NME7: variants seen among roughly 807,000 people sequenced by gnomAD.
The protein encoded by NME7 is NME/NM23 family member 7.
NME7 carries 41 observed loss-of-function variants against 49.1 expected under a neutral mutation model. The ratio of observed to expected loss-of-function variants is 0.83; its 90% CI spans 0.65 to 1.08. The LOEUF (loss-of-function observed/expected upper bound fraction) is 1.08, where lower values mean the gene tolerates loss of function less well. Ranked by LOEUF, NME7 falls within the 50% of genes least tolerant of loss-of-function variation. The pLI is 0.00. For missense variants in NME7, 423 were observed against 463.4 expected, an observed-to-expected ratio of 0.91 and a Z score of 0.80; for synonymous variants, 139 against 150.6, an observed-to-expected ratio of 0.92 and a Z score of 0.56.
At chr1:169,364,859 G>A (rs1173834570) in intron 1 of NME7, among the ~76,000 whole-genome samples, 2 of 152,144 alleles carry the variant, frequency 1.3e-5, no homozygotes, top group African/African-American at 4.8e-5. Context: ...GACTATGGGA[G>A]GGACCTAAAA....
Position 169,331,134 on chromosome 1 carries a change from T to A in NME7, c.4-6634A>T, listed in dbSNP as rs558585813. On this transcript the variant is annotated intron_variant, in intron 1 of 11. Transcript: ENST00000367811. Reference sequence around the variant, plus strand: ...ATTCATTATGACCGAGTGGGATATATCCCTGGGATGCAAGGATGGTTCAAC... The same window carrying A: ...ATTCATTATGACCGAGTGGGATATAACCCTGGGATGCAAGGATGGTTCAAC... Among the ~76,000 whole-genome samples, 30 of 152,292 alleles carry A rather than the reference T, an allele frequency of 2.0e-4. 1 individual carries two copies. The highest frequency in any genetic ancestry group is 6.7e-4 in the African/African-American group (28 of 41,570).
intron 11 of NME7, among the ~76,000 whole-genome samples, chr1:169,153,015 CTTGAA>C (rs1412758790): frequency 6.6e-6 from 1 of 151,874 alleles, no homozygotes; most frequent in African/African-American, 2.4e-5. Flanking sequence ...AAAACTGGCA[CTTGAA>C]TTGAAACACT....
At position 169,213,830 on chromosome 1, in the gene NME7, A is replaced by T. The variant is rs568298517; in HGVS notation, c.990+16888T>A. Among the ~76,000 whole-genome samples the T allele has an allele frequency of 1.9e-4, 28 of 149,174 alleles. No homozygotes were observed. The South Asian group carries it at 3.4e-3, about 18-fold the overall frequency. On this transcript the variant is annotated intron_variant, in intron 10 of 11. Coordinates refer to ENST00000367811, the MANE Select transcript of NME7 (RefSeq NM_013330.5). The stretch of plus-strand genomic sequence containing the variant: ...AATATAAAAATAAAATAAATAAATA[A>T]ATATATATATATATACACACAAACA...
chr1:169,318,031 C>A (rs372005073), intron 3 of NME7, among the ~76,000 whole-genome samples: 1 of 152,112 alleles, frequency 6.6e-6, no homozygotes, highest in African/African-American at 2.4e-5. Context: ...GAATCAGAGT[C>A]CGGCACCTGC....
chr1:169,246,803 T>C lies in NME7; in HGVS notation c.755-9116A>G, dbSNP rs577499167. 1.9e-3 allele frequency among the ~76,000 whole-genome samples: 294 copies of C among 152,268 alleles called. 4 individuals are homozygous for C. The highest frequency in any genetic ancestry group is 6.9e-3 in the African/African-American group (285 of 41,548). On this transcript the variant is annotated intron_variant, in intron 7 of 11. Coordinates refer to ENST00000367811, the MANE Select transcript of NME7 (RefSeq NM_013330.5). ...ACTGTTGCCCAGACTGGTATCAAAC[T>C]CCTGGCCTGAAGTGATCTTCCCACC...
chr1:169,238,087 T>A (rs531944147), intron 7 of NME7, among the ~76,000 whole-genome samples: 6 of 151,532 alleles, frequency 4.0e-5, no homozygotes, highest in African/African-American at 1.5e-4. Flanking sequence ...AGGAGAAAAA[T>A]CAAATTGTAA....
At chr1:169,227,202 C>T (rs755556683) in intron 10 of NME7, among the ~76,000 whole-genome samples, 9 of 152,200 alleles carry the variant, frequency 5.9e-5, no homozygotes, top group Admixed American at 2.0e-4. Flanking sequence ...CAGCTCCTCC[C>T]GAATGACCCC....
At chr1:169,359,483 T>G (rs1426166228) in intron 1 of NME7, among the ~76,000 whole-genome samples, 2 of 152,050 alleles carry the variant, frequency 1.3e-5, no homozygotes, top group Admixed American at 1.3e-4. Flanking sequence ...TGTGTGTATA[T>G]ATGTATGAGT....
At chr1:169,295,400 A>G (rs1330726219) in intron 6 of NME7, among the ~76,000 whole-genome samples, 1 of 152,226 alleles carries the variant, frequency 6.6e-6, no homozygotes. Context: ...AGGAAATATC[A>G]GTAAACATGG....
intron 3 of NME7, among the ~76,000 whole-genome samples, chr1:169,321,866 G>A (rs1651862252): frequency 6.6e-6 from 1 of 151,984 alleles, no homozygotes. Flanking sequence ...ATCATTTTTG[G>A]AGCCTTTTAT....
Position 169,271,991 on chromosome 1 carries a change from A to C in NME7, c.754+15312T>G, listed in dbSNP as rs1450432983. ...AATTACATACTTCAAAATGGTCTTA[A>C]ATTATTCCAAAAATACAGGTTTAGA... On this transcript the variant is annotated intron_variant, in intron 7 of 11. Coordinates refer to ENST00000367811, the MANE Select transcript of NME7 (RefSeq NM_013330.5). 1.5e-5 allele frequency among the ~76,000 whole-genome samples: 2 copies of C among 131,966 alleles called. 1 individual carries two copies. The allele number at this position is 131,966 out of a possible 152,430, so 86.6% of individuals were successfully genotyped here. A position where few individuals can be genotyped will look rare whatever the true frequency, so the allele number is the denominator to read the frequency against.
At position 169,342,626 on chromosome 1, in the gene NME7, C is replaced by CAT. The variant is rs1204472172; in HGVS notation, c.4-18128_4-18127dup. On this transcript the variant is annotated intron_variant, in intron 1 of 11. Transcript: ENST00000367811. ...TATATAGTATATATATATACAAGTA[C>CAT]ATATATATAGTATATATATATACAA... Among the ~76,000 whole-genome samples the CAT allele has an allele frequency of 3.2e-3, 70 of 21,706 alleles. 8 individuals carry two copies. The highest frequency in any genetic ancestry group is 0.031 in the East Asian group (6 of 194). 14.2% of individuals were successfully genotyped at this position (21,706 alleles called of 152,430 possible).
intron 10 of NME7, among the ~76,000 whole-genome samples, chr1:169,187,933 G>A (rs571708958): frequency 2.6e-4 from 40 of 152,250 alleles, no homozygotes; most frequent in Non-Finnish European, 4.0e-4. Context: ...CTCTTGTAAG[G>A]TAGGCCTGGT....
At chr1:169,331,406 C>T (rs756954558) in intron 1 of NME7, among the ~76,000 whole-genome samples, 1 of 152,144 alleles carries the variant, frequency 6.6e-6, no homozygotes, top group Non-Finnish European at 1.5e-5. Context: ...CCTCTGAGAT[C>T]TGAAACATGA....
At chr1:169,238,765 A>C (rs576171072) in intron 7 of NME7, among the ~76,000 whole-genome samples, 1 of 152,158 alleles carries the variant, frequency 6.6e-6, no homozygotes, top group African/African-American at 2.4e-5. Flanking sequence ...AAAGACAGAA[A>C]AGTGGTGGAT....
chr1:169,333,921 AT>A (rs1652362113), intron 1 of NME7, among the ~76,000 whole-genome samples: 1 of 152,192 alleles, frequency 6.6e-6, no homozygotes. Flanking sequence ...AAATCAGGAC[AT>A]ACTTATCAGA....
intron 1 of NME7, among the ~76,000 whole-genome samples, chr1:169,342,237 C>T (rs892172814): frequency 2.0e-5 from 3 of 151,896 alleles, no homozygotes; most frequent in Admixed American, 6.6e-5. Context: ...AGGGAGTCCT[C>T]ATGAGATCTA....
At chr1:169,174,911 GCTACA>G (rs1659709046) in intron 10 of NME7, among the ~76,000 whole-genome samples, 1 of 152,034 alleles carries the variant, frequency 6.6e-6, no homozygotes, top group Non-Finnish European at 1.5e-5. Context: ...GTACACTTGG[GCTACA>G]CTAAATTTAT....
intron 1 of NME7, among the ~76,000 whole-genome samples, chr1:169,339,240 C>A (rs1406581619): frequency 6.6e-6 from 1 of 152,106 alleles, no homozygotes; most frequent in Non-Finnish European, 1.5e-5. Flanking sequence ...TCAAAGAGGA[C>A]ATCTTTTCTT....
Sources: allele counts gnomAD v4.1 joint callset (sites outside exome capture counted in the v4.1 genomes callset), GRCh38; gene constraint gnomAD v4.1.1; transcripts MANE v1.5; gene names NCBI Gene and HGNC (gene_info 2026-07-23, HGNC 2026-07-21).